ADCY8: variants seen among roughly 807,000 people sequenced by gnomAD.
The protein encoded by ADCY8 is adenylate cyclase 8.
Under a neutral mutation model 119.7 loss-of-function variants are expected in ADCY8, and 51 were observed. The ratio of observed to expected loss-of-function variants is 0.43; its 90% CI spans 0.34 to 0.54. ADCY8 has a LOEUF of 0.54. Ranked by LOEUF, ADCY8 falls within the 20% of genes least tolerant of loss-of-function variation. The pLI is 0.03. For synonymous variants in ADCY8, 665 were observed against 651.0 expected (o/e 1.02, Z -0.33); for missense variants, 1,383 against 1,598.8 (o/e 0.87, Z 2.30).
rs151115136 is a variant in ADCY8, at chr8:130,955,252, T to C, written c.1111-3254A>G. Among the ~76,000 whole-genome samples the C allele has an allele frequency of 7.2e-3, 1,089 of 152,266 alleles. 17 individuals carry two copies. The highest frequency in any genetic ancestry group is 0.024 in the African/African-American group (1,009 of 41,528). ...ACTGAGTTAAGAGCTTCATATATAA[T>C]TTCATATAACATTCAACATAACTCC... On this transcript the variant is annotated intron_variant, in intron 2 of 17. Coordinates refer to ENST00000286355, the MANE Select transcript of ADCY8 (RefSeq NM_001115.3).
chr8:130,828,105 G>C (rs775544653), intron 12 of ADCY8, among the ~76,000 whole-genome samples: 14 of 152,130 alleles, frequency 9.2e-5, no homozygotes, highest in Admixed American at 2.6e-4. Flanking sequence ...CTGAACTGAC[G>C]CCAGCCTCCA....
intron 1 of ADCY8, among the ~76,000 whole-genome samples, chr8:131,020,766 G>A (rs1419516366): frequency 2.6e-5 from 4 of 152,024 alleles, no homozygotes; most frequent in Non-Finnish European, 4.4e-5. Context: ...AAGCACCCTC[G>A]GGGACTACTT....
chr8:130,909,797 G>A lies in ADCY8; in HGVS notation c.1551C>T (p.Cys517=), dbSNP rs369373540. The stretch of plus-strand genomic sequence containing the variant: ...GCCACTTCCTTAGTCCCAAAACACC[G>A]CACAGCACCGAGCCGGAGTGGATTC... The part of the protein sequence containing the change: ...RIGIHSGSVL[C]GVLGLRKWQF... The change falls in exon 6 of 18, where the codon TGC becomes TGT. Residue 517 remains cysteine, a synonymous_variant. Coordinates refer to ENST00000286355, the MANE Select transcript of ADCY8 (RefSeq NM_001115.3). 4.8e-5 allele frequency: 78 copies of A among 1,614,042 alleles called. No individual in the cohort carries two copies. The highest frequency in any genetic ancestry group is 4.0e-4 in the African/African-American group (30 of 74,996).
At chr8:130,782,209 A>G (rs1815104254) in intron 17 of ADCY8, among the ~76,000 whole-genome samples, 2 of 152,222 alleles carry the variant, frequency 1.3e-5, no homozygotes. Flanking sequence ...ATACCCACTG[A>G]TATAAGTGAC....
At chr8:130,868,081 C>T in intron 8 of ADCY8, 135 bp from the exon 9 acceptor site, 2 of 579,362 alleles carry the variant, frequency 3.5e-6, no homozygotes, top group East Asian at 3.0e-5. Flanking sequence ...ATAAAACCTT[C>T]ACAGAGCATT....
Position 131,039,943 on chromosome 8 carries a change from G to A in ADCY8, c.391C>T (p.His131Tyr). The part of the protein sequence containing the change: ...SGGGGDLGFL[H>Y]LDCAPSNSDF... ...GAGTTGCTAGGGGCACAGTCAAGGT[G>A]CAGGAAGCCCAGGTCGCCCCCGCCT... The change falls in exon 1 of 18, where the codon CAC (histidine) becomes TAC (tyrosine). Residue 131 changes from histidine (H) to tyrosine (Y), a missense_variant. This residue lies in a region of ADCY8 where 455 missense variants were observed against 435.3 expected (regional missense o/e 1.05). Transcript: ENST00000286355. 1 of 1,601,436 alleles carries A rather than the reference G, an allele frequency of 6.2e-7. No homozygotes were observed. Among genetic ancestry groups the A allele is most frequent in the Non-Finnish European group, 8.5e-7 (1 of 1,174,108 alleles).
In ADCY8 at chr8:130,814,212, G is replaced by A. The variant is rs761539494; in HGVS notation, c.2770C>T (p.Arg924Cys). 38 of 1,613,828 alleles carry A rather than the reference G, an allele frequency of 2.4e-5. No individual in the cohort carries two copies. The highest frequency in any genetic ancestry group is 2.9e-5 in the Non-Finnish European group (34 of 1,179,992). Reference protein sequence around the residue: ...YHGQQLEYTARLDFLWRVQAK... With the variant: ...YHGQQLEYTACLDFLWRVQAK... ...TGTACTCGCCAAAGGAAGTCCAGGC[G>A]GGCTGTGTACTCCAGCTGCAGTACA... The change falls in exon 14 of 18, where the codon CGC becomes TGC. Residue 924 changes from arginine to cysteine, a missense_variant. By Grantham distance (180) the Arg-to-Cys change is radical (BLOSUM62 -3). This residue lies in a region of ADCY8 where 928 missense variants were observed against 1,163.5 expected (regional missense o/e 0.80). Coordinates refer to ENST00000286355, the MANE Select transcript of ADCY8 (RefSeq NM_001115.3).
At chr8:130,938,804 T>C (rs954729381) in intron 4 of ADCY8, among the ~76,000 whole-genome samples, 6 of 152,220 alleles carry the variant, frequency 3.9e-5, no homozygotes, top group Admixed American at 3.9e-4. Flanking sequence ...TTCAGAACTC[T>C]GACAGCATGT....
At chr8:130,849,936 G>T in intron 9 of ADCY8, 133 bp from the exon 10 acceptor site, 1 of 883,768 alleles carries the variant, frequency 1.1e-6, no homozygotes. Flanking sequence ...CAAGAAAAAG[G>T]TTATTAGCAG....
chr8:131,017,099 T>A (rs1199008710), intron 1 of ADCY8, among the ~76,000 whole-genome samples: 2 of 151,526 alleles, frequency 1.3e-5, no homozygotes, highest in East Asian at 3.9e-4. Flanking sequence ...AGATGGAGTC[T>A]CACTTTGTCA....
intron 1 of ADCY8, among the ~76,000 whole-genome samples, chr8:131,005,271 A>G (rs1442278219): frequency 6.6e-6 from 1 of 152,186 alleles, no homozygotes; most frequent in Non-Finnish European, 1.5e-5. Context: ...TGTCTACAAA[A>G]TACTTAGTAT....
chr8:130,963,019 G>A (rs1821652040), intron 2 of ADCY8, among the ~76,000 whole-genome samples: 1 of 151,994 alleles, frequency 6.6e-6, no homozygotes, highest in South Asian at 2.1e-4. Flanking sequence ...TACGTATGAA[G>A]ATACTGAAAA....
intron 7 of ADCY8, among the ~76,000 whole-genome samples, chr8:130,889,053 G>C (rs529562880): frequency 3.9e-5 from 6 of 152,236 alleles, no homozygotes; most frequent in African/African-American, 1.4e-4. Context: ...CTGCAAATCA[G>C]CTTACATAGT....
intron 8 of ADCY8, among the ~76,000 whole-genome samples, chr8:130,872,861 AT>A (rs1490183523): frequency 6.6e-6 from 1 of 152,230 alleles, no homozygotes; most frequent in African/African-American, 2.4e-5. Flanking sequence ...GTTCAGACCC[AT>A]TCCTTCCAAG....
At chr8:130,962,785 A>G (rs939246727) in intron 2 of ADCY8, among the ~76,000 whole-genome samples, 30 of 152,338 alleles carry the variant, frequency 2.0e-4, no homozygotes, top group Admixed American at 6.5e-5. Context: ...GCTCTCACAA[A>G]TGGAGAGACT....
intron 12 of ADCY8, among the ~76,000 whole-genome samples, chr8:130,834,404 G>A (rs779634032): frequency 6.6e-6 from 1 of 152,204 alleles, no homozygotes; most frequent in Non-Finnish European, 1.5e-5. Flanking sequence ...ATCTAACAGT[G>A]TAGGTGGGAA....
chr8:131,037,579 C>T (rs1824199607), intron 1 of ADCY8, among the ~76,000 whole-genome samples: 1 of 151,860 alleles, frequency 6.6e-6, no homozygotes, highest in African/African-American at 2.4e-5. Context: ...ATTTCTTATA[C>T]ATGATCAGAT....
At chr8:130,909,591 C>A in intron 6 of ADCY8, 117 bp downstream of exon 6, 1 of 1,230,198 alleles carries the variant, frequency 8.1e-7, no homozygotes, top group Non-Finnish European at 1.2e-6. Context: ...TGTCTGGTCT[C>A]CTTCCAAATA....
intron 1 of ADCY8, among the ~76,000 whole-genome samples, chr8:131,027,024 C>G (rs925711695): frequency 2.0e-5 from 3 of 152,168 alleles, no homozygotes; most frequent in African/African-American, 4.8e-5. Context: ...GCTATGAACT[C>G]TATGCTTTTT....
Sources: allele counts gnomAD v4.1 joint callset (sites outside exome capture counted in the v4.1 genomes callset), GRCh38; gene constraint gnomAD v4.1.1; regional missense constraint gnomAD v4.1.1; transcripts MANE v1.5; gene names NCBI Gene and HGNC (gene_info 2026-07-23, HGNC 2026-07-21).